BCL11B: variants seen among roughly 807,000 people sequenced by gnomAD.
BCL11B encodes the protein B-cell lymphoma/leukemia 11B.
Under a neutral mutation model 49.9 loss-of-function variants are expected in BCL11B, and 8 were observed. That is an observed-to-expected ratio of 0.16 (90% CI 0.09 to 0.29). The LOEUF (loss-of-function observed/expected upper bound fraction) is 0.29, where lower values mean the gene tolerates loss of function less well. Ranked by LOEUF, BCL11B falls within the 10% of genes least tolerant of loss-of-function variation. BCL11B has a pLI of 1.00. For synonymous variants in BCL11B, 739 were observed against 637.4 expected, an observed-to-expected ratio of 1.16 and a Z score of -2.40; for missense variants, 1,006 against 1,351.0, an observed-to-expected ratio of 0.74 and a Z score of 4.00.
Position 99,175,386 on chromosome 14 carries a change from G to C in BCL11B, c.1450C>G (p.Leu484Val). 1 of 1,595,174 alleles carries C rather than the reference G, an allele frequency of 6.3e-7. No homozygotes were observed. Residue 484 changes from leucine (L) to valine (V), a missense_variant, in exon 4 of 4, where the codon CTG becomes GTG. Physicochemically the swap from Leu to Val is conservative, Grantham distance 32. Coordinates refer to ENST00000357195, the MANE Select transcript of BCL11B (RefSeq NM_138576.4). ...MKTHMHKAGS[L>V]AGRSDDGLSA... ...AGCCCGTCGTCGGAGCGGCCGGCCA[G>C]CGAGCCGGCCTTGTGCATGTGCGTC...
Position 99,183,219 on chromosome 14 carries a change from G to A in BCL11B, c.641-7024C>T, listed in dbSNP as rs145969432. On this transcript the variant is annotated intron_variant, in intron 3 of 3. Transcript: ENST00000357195. ...ATGCCAGACCCACCCACATCACCTCGTTTAGACCCCACCTAACTCTACACG... is the reference window on the plus strand; with the variant it reads ...ATGCCAGACCCACCCACATCACCTCATTTAGACCCCACCTAACTCTACACG... Among the ~76,000 whole-genome samples, 133 of 150,858 alleles carry A rather than the reference G, an allele frequency of 8.8e-4. 1 individual carries two copies. The highest frequency in any genetic ancestry group is 1.4e-3 in the Non-Finnish European group (96 of 67,512).
chr14:99,192,245 G>A lies in BCL11B; in HGVS notation c.641-16050C>T, dbSNP rs984103713. Among the ~76,000 whole-genome samples the A allele has an allele frequency of 7.9e-5, 12 of 152,116 alleles. No homozygotes were observed. Among genetic ancestry groups the A allele is most frequent in the Non-Finnish European group, 1.3e-4 (9 of 68,034 alleles). ...TGTCTTGGCAGCGTTTCCTTGGAGC[G>A]CACACGGTGAACCTGGCTCTCGCAT... is the stretch of plus-strand genomic sequence containing the variant. On this transcript the variant is annotated intron_variant, in intron 3 of 3. Transcript: ENST00000357195. The surrounding 1 kb of genome is among the most constrained non-coding windows in gnomAD (Gnocchi z 4.0).
At position 99,248,395 on chromosome 14, in the gene BCL11B, CCT is replaced by C. The variant is rs1888909228; in HGVS notation, c.427+9074_427+9075del. ...CCCTCCCCTGAGGAGGCTCCCACTC[CCT>C]GTGTGCCCAGAGGTCACTGGCCGCC... is the stretch of plus-strand genomic sequence containing the variant. On this transcript the variant is annotated intron_variant, in intron 2 of 3. Coordinates refer to ENST00000357195, the MANE Select transcript of BCL11B (RefSeq NM_138576.4). This position sits in a 1 kb window ranked among gnomAD's most constrained non-coding sequence, Gnocchi z 4.7. 6.6e-6 allele frequency among the ~76,000 whole-genome samples: 1 copy of C among 152,222 alleles called. No individual in the cohort carries two copies. The highest frequency in any genetic ancestry group is 2.4e-5 in the African/African-American group (1 of 41,456).
chr14:99,239,884 G>A (rs1287793351), intron 2 of BCL11B, among the ~76,000 whole-genome samples: 1 of 152,096 alleles, frequency 6.6e-6, no homozygotes, highest in Admixed American at 6.6e-5. Context: ...CGAGAATCCC[G>A]GAGAATTAAG....
Position 99,213,155 on chromosome 14 carries a change from G to A in BCL11B, c.640+18190C>T, listed in dbSNP as rs946466171. The stretch of plus-strand genomic sequence containing the variant: ...GACAGACAGGGAGGCTTTTCAGCTG[G>A]GCAGGAATCATTTGCAAGAATCAGA... On this transcript the variant is annotated intron_variant, in intron 3 of 3. Transcript: ENST00000357195. The surrounding 1 kb of genome is among the most constrained non-coding windows in gnomAD (Gnocchi z 5.1). Among the ~76,000 whole-genome samples, 2 of 152,124 alleles carry A rather than the reference G, an allele frequency of 1.3e-5. No individual in the cohort carries two copies. Among genetic ancestry groups the A allele is most frequent in the African/African-American group, 4.8e-5 (2 of 41,428 alleles).
chr14:99,172,128 A>C lies in BCL11B; in HGVS notation c.*2023T>G. Reference sequence around the variant, plus strand: ...AATACTGTAAACGTATTTTTAAGACAGAGTGCACTAAATTTAACTTTAGAA... The same window carrying C: ...AATACTGTAAACGTATTTTTAAGACCGAGTGCACTAAATTTAACTTTAGAA... On this transcript the variant is annotated 3_prime_UTR_variant, in exon 4 of 4. Coordinates refer to ENST00000357195, the MANE Select transcript of BCL11B (RefSeq NM_138576.4). 2 of 221,406 alleles carry C rather than the reference A, an allele frequency of 9.0e-6. No individual in the cohort carries two copies. The highest frequency in any genetic ancestry group is 1.3e-4 in the East Asian group (2 of 15,070). 13.7% of individuals were successfully genotyped at this position (221,406 alleles called of 1,614,324 possible).
rs551317498 is a variant in BCL11B, at chr14:99,230,860, T to A, written c.640+485A>T. Reference sequence around the variant, plus strand: ...GAGGCTCCTTTTGAGCCACTTTTTTTCTTTTTCAAAGCTAATGGGCAACAC... The same window carrying A: ...GAGGCTCCTTTTGAGCCACTTTTTTACTTTTTCAAAGCTAATGGGCAACAC... On this transcript the variant is annotated intron_variant, in intron 3 of 3. Transcript: ENST00000357195. Among the ~76,000 whole-genome samples, 12 of 152,316 alleles carry A rather than the reference T, an allele frequency of 7.9e-5. No homozygotes were observed. In the Middle Eastern group the frequency reaches 0.024, roughly 302 times the overall value.
intron 3 of BCL11B, among the ~76,000 whole-genome samples, chr14:99,178,084 G>C (rs1292045625): frequency 6.6e-6 from 1 of 152,028 alleles, no homozygotes; most frequent in Non-Finnish European, 1.5e-5. Flanking sequence ...CGTGCTGTCC[G>C]AGGGGCAGGG....
At position 99,174,571 on chromosome 14, in the gene BCL11B, C is replaced by G; in HGVS notation, c.2265G>C (p.Pro755=). The change falls in exon 4 of 4, where the codon CCG becomes CCC. Residue 755 remains proline (P), a synonymous_variant. Coordinates refer to ENST00000357195, the MANE Select transcript of BCL11B (RefSeq NM_138576.4). ...SENGSLRFST[P]PGDLLDGGLS... ...GGCCGCCGTCCAGCAGGTCCCCGGG[C>G]GGCGTGGAGAAGCGCAGGCTGCCGT... The G allele has an allele frequency of 7.9e-6, 12 of 1,517,666 alleles. No homozygotes were observed. Among genetic ancestry groups the G allele is most frequent in the Non-Finnish European group, 9.7e-6 (11 of 1,135,512 alleles). 94.0% of individuals were successfully genotyped at this position (1,517,666 alleles called of 1,614,324 possible). A position where few individuals can be genotyped will look rare whatever the true frequency, so the allele number is the denominator to read the frequency against.
intron 3 of BCL11B, among the ~76,000 whole-genome samples, chr14:99,177,280 A>G (rs1210116753): frequency 6.6e-6 from 1 of 152,028 alleles, no homozygotes; most frequent in East Asian, 1.9e-4. Context: ...ACAGTGGCAA[A>G]TGCTGATGTG....
chr14:99,200,896 G>C (rs1887360894), intron 3 of BCL11B, among the ~76,000 whole-genome samples: 1 of 152,226 alleles, frequency 6.6e-6, no homozygotes, highest in Admixed American at 6.5e-5. Flanking sequence ...AACTGCATGG[G>C]AAGCAGCCCC....
chr14:99,175,409 G>A lies in BCL11B; in HGVS notation c.1427C>T (p.Thr476Met), dbSNP rs1328622980. 1.2e-6 allele frequency: 2 copies of A among 1,608,260 alleles called. No individual in the cohort carries two copies. Among genetic ancestry groups the A allele is most frequent in the Non-Finnish European group, 1.7e-6 (2 of 1,178,124 alleles). ...QASKLKRHMK[T>M]HMHKAGSLAG... ...CAGCGAGCCGGCCTTGTGCATGTGCGTCTTCATGTGGCGCTTGAGCTTGCT... is the reference window on the plus strand; with the variant it reads ...CAGCGAGCCGGCCTTGTGCATGTGCATCTTCATGTGGCGCTTGAGCTTGCT... Residue 476 changes from threonine (T) to methionine (M), a missense_variant, in exon 4 of 4, where the codon ACG becomes ATG. By Grantham distance (81) the Thr-to-Met change is moderately conservative (BLOSUM62 -1). Coordinates refer to ENST00000357195, the MANE Select transcript of BCL11B (RefSeq NM_138576.4).
chr14:99,266,071 G>T (rs1391806600), intron 1 of BCL11B, among the ~76,000 whole-genome samples: 1 of 152,222 alleles, frequency 6.6e-6, no homozygotes, highest in African/African-American at 2.4e-5. Context: ...GGTGAAAGAT[G>T]TGATCAAGAC....
At chr14:99,219,934 C>A (rs1887959966) in intron 3 of BCL11B, among the ~76,000 whole-genome samples, 1 of 152,132 alleles carries the variant, frequency 6.6e-6, no homozygotes. Flanking sequence ...CCCCAGCAGT[C>A]CAGTGGTGAC....
At chr14:99,211,097 C>T (rs1025167889) in intron 3 of BCL11B, among the ~76,000 whole-genome samples, 6 of 152,188 alleles carry the variant, frequency 3.9e-5, no homozygotes, top group African/African-American at 1.4e-4. Flanking sequence ...TCCACACATG[C>T]GTACCCAGGT....
chr14:99,190,429 A>G (rs1025480821), intron 3 of BCL11B, among the ~76,000 whole-genome samples: 1 of 152,264 alleles, frequency 6.6e-6, no homozygotes, highest in Non-Finnish European at 1.5e-5. Context: ...TGGAGGTTGC[A>G]GTGAGCCGAG....
rs1887732681 is a variant in BCL11B, at chr14:99,213,067, C to T, written c.640+18278G>A. ...GATGCCCACCAGGGGAGAGGGGACC[C>T]TAGACCCTGTGCCAGTGCAGAGTGG... On this transcript the variant is annotated intron_variant, in intron 3 of 3. Transcript: ENST00000357195. The surrounding 1 kb of genome is among the most constrained non-coding windows in gnomAD (Gnocchi z 5.1). Among the ~76,000 whole-genome samples the T allele has an allele frequency of 2.0e-5, 3 of 152,328 alleles. No homozygotes were observed. In the South Asian group the frequency reaches 6.2e-4, roughly 32 times the overall value.
intron 2 of BCL11B, among the ~76,000 whole-genome samples, chr14:99,256,544 CTCCTTTCTCCCCCAGGCCTCCT>C (rs1889168820): frequency 6.6e-6 from 1 of 152,194 alleles, no homozygotes. Context: ...TGGCCAGGCC[CTCCTTTCTCCCCCAGGCCTCCT>C]GGGCTCAGAA....
intron 2 of BCL11B, among the ~76,000 whole-genome samples, chr14:99,244,952 T>A (rs1481169483): frequency 1.3e-5 from 2 of 152,214 alleles, no homozygotes; most frequent in African/African-American, 4.8e-5. Flanking sequence ...TAGATTTATT[T>A]CTGAAAAATG....
Sources: allele counts gnomAD v4.1 joint callset (sites outside exome capture counted in the v4.1 genomes callset), GRCh38; gene constraint gnomAD v4.1.1; non-coding constraint Gnocchi (gnomAD v3.1); transcripts MANE v1.5; gene names NCBI Gene and HGNC (gene_info 2026-07-23, HGNC 2026-07-21).